The following PLEKHA3 variants were observed in gnomAD, a reference collection of about 807,000 sequenced individuals.
PLEKHA3 encodes the protein pleckstrin homology domain containing A3.
Under a neutral mutation model 39.2 loss-of-function variants are expected in PLEKHA3, and 19 were observed. That is an observed-to-expected ratio of 0.48 (90% CI 0.34 to 0.71). The LOEUF is 0.71. PLEKHA3 is among the 30% of genes least tolerant of loss of function. The probability of loss-of-function intolerance (pLI) is 0.01; values close to 1 mark genes in which losing one functional copy is unlikely to be tolerated. For missense variants in PLEKHA3, 253 were observed against 359.5 expected (o/e 0.70, Z 2.40); for synonymous variants, 97 against 118.6 (o/e 0.82, Z 1.18).
At chr2:178,492,068 G>A (rs940601388) in intron 3 of PLEKHA3, among the ~76,000 whole-genome samples, 1 of 152,028 alleles carries the variant, frequency 6.6e-6, no homozygotes, top group Admixed American at 6.6e-5. Flanking sequence ...GGAAACAAAC[G>A]ATATTCAAAC....
Position 178,506,754 on chromosome 2 carries a change from T to G in PLEKHA3, c.*2867T>G, listed in dbSNP as rs1038039167. ...GTACTTTGAGCCTTGATCTGGGTAC[T>G]TGGTACAGAGGGAGTGTCCTGGCCT... On this transcript the variant is annotated 3_prime_UTR_variant, in exon 8 of 8. Coordinates refer to ENST00000234453, the MANE Select transcript of PLEKHA3 (RefSeq NM_019091.4). 6.6e-6 allele frequency: 1 copy of G among 152,180 alleles called. No individual in the cohort carries two copies. The highest frequency in any genetic ancestry group is 1.9e-4 in the East Asian group (1 of 5,192). 9.4% of individuals were successfully genotyped at this position (152,180 alleles called of 1,614,324 possible).
At chr2:178,486,998 A>G (rs1685260790) in intron 2 of PLEKHA3, among the ~76,000 whole-genome samples, 1 of 152,256 alleles carries the variant, frequency 6.6e-6, no homozygotes, top group Non-Finnish European at 1.5e-5. Flanking sequence ...ATTTAGGACT[A>G]TTGTGATAGA....
Position 178,504,101 on chromosome 2 carries a change from A to G in PLEKHA3, c.*214A>G, listed in dbSNP as rs1685571119. The G allele has an allele frequency of 2.6e-6, 1 of 382,998 alleles. No individual in the cohort carries two copies. The allele number at this position is 382,998 out of a possible 1,614,324, so 23.7% of individuals were successfully genotyped here. ...AGTATTTTCCTAATAACTTCACAGT[A>G]TGAATGTGCATCTTTTTTTTTTGAA... On this transcript the variant is annotated 3_prime_UTR_variant, in exon 8 of 8. Coordinates refer to ENST00000234453, the MANE Select transcript of PLEKHA3 (RefSeq NM_019091.4).
At position 178,509,820 on chromosome 2, in the gene PLEKHA3, A is replaced by C. The variant is rs979562302; in HGVS notation, c.*5933A>C. 2 of 152,152 alleles carry C rather than the reference A, an allele frequency of 1.3e-5. No individual in the cohort carries two copies. The highest frequency in any genetic ancestry group is 2.9e-5 in the Non-Finnish European group (2 of 68,028). The allele number at this position is 152,152 out of a possible 1,614,324, so 9.4% of individuals were successfully genotyped here. A position where few individuals can be genotyped will look rare whatever the true frequency, so the allele number is the denominator to read the frequency against. ...AGTAACCTGTTTATTCTTGAGTGAA[A>C]ATGTTTCACCATAGGAAGAATTACT... On this transcript the variant is annotated 3_prime_UTR_variant, in exon 8 of 8. Coordinates refer to ENST00000234453, the MANE Select transcript of PLEKHA3 (RefSeq NM_019091.4).
chr2:178,495,403 C>T, intron 4 of PLEKHA3, 93 bp from the exon 5 acceptor site: 1 of 1,177,148 alleles, frequency 8.5e-7, no homozygotes, highest in African/African-American at 1.6e-5. Flanking sequence ...AGTAATGTGT[C>T]TGTTGGAGAT....
chr2:178,511,563 T>G lies in PLEKHA3; in HGVS notation c.*7676T>G, dbSNP rs1211396458. 6.6e-6 allele frequency: 1 copy of G among 152,092 alleles called. No individual in the cohort carries two copies. Among genetic ancestry groups the G allele is most frequent in the African/African-American group, 2.4e-5 (1 of 41,426 alleles). The allele number at this position is 152,092 out of a possible 1,614,324, so 9.4% of individuals were successfully genotyped here. A position where few individuals can be genotyped will look rare whatever the true frequency, so the allele number is the denominator to read the frequency against. The stretch of plus-strand genomic sequence containing the variant: ...TGATGTTTTGTATTTTTACAAAAAT[T>G]TTTCACCATGTTGGCCAGGGTGGTC... On this transcript the variant is annotated 3_prime_UTR_variant, in exon 8 of 8. Coordinates refer to ENST00000234453, the MANE Select transcript of PLEKHA3 (RefSeq NM_019091.4).
chr2:178,487,795 A>T (rs989048138), intron 2 of PLEKHA3, among the ~76,000 whole-genome samples: 1 of 151,932 alleles, frequency 6.6e-6, no homozygotes, highest in East Asian at 1.9e-4. Flanking sequence ...GATTATATAA[A>T]TTTTTTCTGC....
At chr2:178,483,519 C>T (rs1042584152) in intron 1 of PLEKHA3, among the ~76,000 whole-genome samples, 3 of 152,144 alleles carry the variant, frequency 2.0e-5, no homozygotes, top group Admixed American at 6.5e-5. Flanking sequence ...TCACCTTTCA[C>T]GTTGCTGCAA....
In PLEKHA3 at chr2:178,480,644, C is replaced by T; in HGVS notation, c.-226C>T. 3.0e-6 allele frequency: 1 copy of T among 335,996 alleles called. No homozygotes were observed. The highest frequency in any genetic ancestry group is 5.3e-6 in the Non-Finnish European group (1 of 187,956). 20.8% of individuals were successfully genotyped at this position (335,996 alleles called of 1,614,324 possible). A position where few individuals can be genotyped will look rare whatever the true frequency, so the allele number is the denominator to read the frequency against. ...GCGGCCGCCGCCGCCGAGGCTTACC[C>T]GGGAATGTCTGGGCCCGCGCCTCGC... On this transcript the variant is annotated 5_prime_UTR_variant, in exon 1 of 8. Transcript: ENST00000234453.
Position 178,515,004 on chromosome 2 carries a change from G to T in PLEKHA3, c.*11117G>T, listed in dbSNP as rs982430195. 1.3e-5 allele frequency: 2 copies of T among 149,936 alleles called. No homozygotes were observed. Among genetic ancestry groups the T allele is most frequent in the Non-Finnish European group, 3.0e-5 (2 of 67,720 alleles). 9.3% of individuals were successfully genotyped at this position (149,936 alleles called of 1,614,324 possible). On this transcript the variant is annotated 3_prime_UTR_variant, in exon 8 of 8. Coordinates refer to ENST00000234453, the MANE Select transcript of PLEKHA3 (RefSeq NM_019091.4). The stretch of plus-strand genomic sequence containing the variant: ...GACTTGAGTGAGGAAGCTATATACC[G>T]ATGACTTACCAATTTTTGGTCTTAT...
intron 1 of PLEKHA3, 148 bp downstream of exon 1, chr2:178,481,057 G>T: frequency 1.5e-6 from 1 of 669,658 alleles, no homozygotes; most frequent in Non-Finnish European, 2.2e-6. Flanking sequence ...AGTCCTTCTG[G>T]CCTCTTCAGG....
chr2:178,485,682 T>C lies in PLEKHA3; in HGVS notation c.82T>C (p.Ser28Pro). 6.2e-7 allele frequency: 1 copy of C among 1,613,826 alleles called. No homozygotes were observed. Among genetic ancestry groups the C allele is most frequent in the Non-Finnish European group, 8.5e-7 (1 of 1,179,878 alleles). Residue 28 changes from serine to proline, a missense_variant, in exon 2 of 8, where the codon TCC (serine) becomes CCC (proline). Physicochemically the swap from Ser to Pro is moderately conservative, Grantham distance 74. Transcript: ENST00000234453. ...RWFVLDNGIL[S>P]YYDSQDDVCK... Reference sequence around the variant, plus strand: ...GTTTGTTTTAGATAATGGAATCTTATCCTACTATGATTCACAAGATGATGT... The same window carrying C: ...GTTTGTTTTAGATAATGGAATCTTACCCTACTATGATTCACAAGATGATGT...
intron 6 of PLEKHA3, 51 bp downstream of exon 6, chr2:178,499,305 G>T: frequency 6.3e-7 from 1 of 1,579,580 alleles, no homozygotes; most frequent in African/African-American, 1.4e-5. Context: ...TATCCATCTA[G>T]GGAAGTTCTT....
Position 178,499,230 on chromosome 2 carries a change from AC to A in PLEKHA3, c.638del (p.Pro213LeufsTer13). ...PVQMMKRSVS[H>X]PGSCSSERSS... Reference sequence around the variant, plus strand: ...TTCTAGATGAAGCGTTCTGTCAGCCACCCTGGTTCTTGCAGTTCAGAGAGGT... The same window carrying A: ...TTCTAGATGAAGCGTTCTGTCAGCCACCTGGTTCTTGCAGTTCAGAGAGGT... On this transcript the variant is annotated frameshift_variant, in exon 6 of 8. Coordinates refer to ENST00000234453, the MANE Select transcript of PLEKHA3 (RefSeq NM_019091.4). LOFTEE classifies it high-confidence loss of function. 1 of 1,610,152 alleles carries A rather than the reference AC, an allele frequency of 6.2e-7. No homozygotes were observed. The highest frequency in any genetic ancestry group is 8.5e-7 in the Non-Finnish European group (1 of 1,178,570).
chr2:178,510,610 G>A lies in PLEKHA3; in HGVS notation c.*6723G>A, dbSNP rs1018497724. 2 of 153,772 alleles carry A rather than the reference G, an allele frequency of 1.3e-5. No individual in the cohort carries two copies. The highest frequency in any genetic ancestry group is 2.9e-5 in the Non-Finnish European group (2 of 68,056). The allele number at this position is 153,772 out of a possible 1,614,324, so 9.5% of individuals were successfully genotyped here. ...ACACTCTCCTGCTCTTCTGCCAAAT[G>A]TCTCTCCCTTCCAAAGGACGTAGTG... is the stretch of plus-strand genomic sequence containing the variant. On this transcript the variant is annotated 3_prime_UTR_variant, in exon 8 of 8. Transcript: ENST00000234453.
At chr2:178,485,026 A>G (rs556056520) in intron 1 of PLEKHA3, among the ~76,000 whole-genome samples, 1 of 152,360 alleles carries the variant, frequency 6.6e-6, no homozygotes, top group African/African-American at 2.4e-5. Flanking sequence ...TCTATTTAAG[A>G]GACTGGAATT....
chr2:178,489,658 C>T (rs1169922631), intron 2 of PLEKHA3, among the ~76,000 whole-genome samples: 1 of 151,952 alleles, frequency 6.6e-6, no homozygotes, highest in Non-Finnish European at 1.5e-5. Context: ...ATGAATATTA[C>T]TTTGCATTAC....
intron 4 of PLEKHA3, among the ~76,000 whole-genome samples, chr2:178,495,077 A>G (rs1230303431): frequency 2.0e-5 from 3 of 152,166 alleles, no homozygotes; most frequent in Non-Finnish European, 4.4e-5. Context: ...TCAAGGAAGA[A>G]GTGGGAGAAT....
At chr2:178,482,017 AC>A (rs1217124844) in intron 1 of PLEKHA3, 1 of 153,704 alleles carries the variant, frequency 6.5e-6, no homozygotes, top group African/African-American at 2.4e-5. Context: ...CTACAGTTAT[AC>A]CTGCTTTTTG....
Sources: gnomAD v4.1 joint callset for allele counts (sites outside exome capture counted in the v4.1 genomes callset) on GRCh38, gnomAD v4.1.1 for gene constraint, MANE v1.5 for transcripts, NCBI Gene and HGNC (gene_info 2026-07-23, HGNC 2026-07-21) for gene names.